The following IARS1 variants were observed in gnomAD, a reference collection of about 807,000 sequenced individuals.
IARS1 encodes the protein isoleucine--tRNA ligase, cytoplasmic.
IARS1 carries 124 observed loss-of-function variants against 168.2 expected under a neutral mutation model. The ratio of observed to expected loss-of-function variants is 0.74; its 90% confidence interval spans 0.64 to 0.86. The LOEUF (loss-of-function observed/expected upper bound fraction) is 0.86. Among genes scored for constraint, IARS1 ranks in the 40% least tolerant of loss-of-function variants. IARS1 has a pLI of 0.00. For missense variants in IARS1, 1,452 were observed against 1,515.8 expected, an observed-to-expected ratio of 0.96 and a Z score of 0.70; for synonymous variants, 532 against 529.4, an observed-to-expected ratio of 1.00 and a Z score of -0.07.
In IARS1 at chr9:92,229,064, T is replaced by G. The variant is rs1039178760; in HGVS notation, c.3346A>C (p.Ser1116Arg). ...DNRLDLLKLK[S>R]VVTSIFGVKN... is the part of the protein sequence containing the mutation. ...ACACCAAAAATGCTAGTGACAACACTCTTCAGCTTTAAAAGGTCCAACCTA... is the reference window on the plus strand; with the variant it reads ...ACACCAAAAATGCTAGTGACAACACGCTTCAGCTTTAAAAGGTCCAACCTA... Residue 1116 changes from serine to arginine, a missense_variant, in exon 31 of 34, where the codon AGT becomes CGT. Coordinates refer to ENST00000443024, the MANE Select transcript of IARS1 (RefSeq NM_002161.6). 4 of 1,613,916 alleles carry G rather than the reference T, an allele frequency of 2.5e-6. No individual in the cohort carries two copies. Among genetic ancestry groups the G allele is most frequent in the Admixed American group, 3.3e-5 (2 of 59,994 alleles).
intron 33 of IARS1, among the ~76,000 whole-genome samples, chr9:92,216,852 T>C (rs1214834944): frequency 2.8e-5 from 4 of 144,756 alleles, no homozygotes; most frequent in Admixed American, 7.0e-5. Context: ...CTGTCAACAT[T>C]AGACAGATCA....
chr9:92,257,510 T>C (rs987014918), intron 19 of IARS1, among the ~76,000 whole-genome samples: 6 of 152,216 alleles, frequency 3.9e-5, no homozygotes, highest in Non-Finnish European at 7.3e-5. Context: ...CAAGGACTGT[T>C]TGCCCTACTT....
intron 33 of IARS1, among the ~76,000 whole-genome samples, chr9:92,216,369 G>A (rs1331078766): frequency 6.6e-6 from 1 of 150,410 alleles, no homozygotes; most frequent in Non-Finnish European, 1.5e-5. Flanking sequence ...ATCAACTAAC[G>A]AGCAAAATAA....
At chr9:92,257,300 T>G (rs1830860335) in intron 19 of IARS1, among the ~76,000 whole-genome samples, 1 of 152,236 alleles carries the variant, frequency 6.6e-6, no homozygotes, top group African/African-American at 2.4e-5. Context: ...ACAGAACTCA[T>G]GTCCTGCTTT....
chr9:92,287,817 C>T lies in IARS1; in HGVS notation c.370G>A (p.Val124Met), dbSNP rs1835689899. 1.9e-6 allele frequency: 3 copies of T among 1,613,450 alleles called. No homozygotes were observed. The highest frequency in any genetic ancestry group is 1.1e-5 in the South Asian group (1 of 90,974). ...TTCCACTCAGCAGAATATCTCATCA[C>T]AATTGCTCGGCACTGATTGTTATAC... ...TEYNNQCRAI[V>M]MRYSAEWKST... Residue 124 changes from valine (V) to methionine (M), a missense_variant, in exon 4 of 34, where the codon GTG becomes ATG. Transcript: ENST00000443024.
intron 33 of IARS1, 126 bp downstream of exon 33, chr9:92,222,394 C>T (rs2133399181): frequency 1.4e-5 from 5 of 347,668 alleles, no homozygotes; most frequent in South Asian, 6.3e-5. Context: ...TGGTAAATTT[C>T]TGGGGAAAGA....
At position 92,288,301 on chromosome 9, in the gene IARS1, A is replaced by G. The variant is rs1249371135; in HGVS notation, c.120-19T>C. 6.2e-6 allele frequency: 10 copies of G among 1,613,146 alleles called. No individual in the cohort carries two copies. Among genetic ancestry groups the G allele is most frequent in the East Asian group, 2.2e-5 (1 of 44,836 alleles). ...GGTAAATCTAACAGGTAATAAAAATATATCAAGCCATTTAAAAACAGCCAA... is the reference window on the plus strand; with the variant it reads ...GGTAAATCTAACAGGTAATAAAAATGTATCAAGCCATTTAAAAACAGCCAA... On this transcript the variant is annotated intron_variant, in intron 2 of 33. Transcript: ENST00000443024.
chr9:92,225,363 C>A (rs1485188102), intron 31 of IARS1, among the ~76,000 whole-genome samples: 1 of 152,118 alleles, frequency 6.6e-6, no homozygotes, highest in East Asian at 1.9e-4. Context: ...TCTTATTTTT[C>A]CACTCTCTTA....
intron 26 of IARS1, 64 bp downstream of exon 26, chr9:92,247,313 T>C: frequency 1.4e-6 from 2 of 1,467,578 alleles, no homozygotes; most frequent in Non-Finnish European, 1.9e-6. Context: ...AGTCAAACAG[T>C]AGCCTAAAAA....
intron 24 of IARS1, 21 bp from the exon 25 acceptor site, chr9:92,249,962 A>C: frequency 2.2e-6 from 3 of 1,393,112 alleles, no homozygotes; most frequent in Non-Finnish European, 3.0e-6. Flanking sequence ...AAGGGAGGGG[A>C]AAGTTCACTC....
At chr9:92,257,530 C>T (rs1830892390) in intron 19 of IARS1, among the ~76,000 whole-genome samples, 1 of 152,160 alleles carries the variant, frequency 6.6e-6, no homozygotes, top group Admixed American at 6.5e-5. Context: ...TGGCAGAGAA[C>T]CACATGCAGG....
chr9:92,229,538 A>G (rs57050708), intron 30 of IARS1, among the ~76,000 whole-genome samples: 3,087 of 152,162 alleles, frequency 0.02, 109 homozygotes, highest in African/African-American at 0.07. Flanking sequence ...ATTTTGTGCC[A>G]TATGTATATT....
chr9:92,216,112 A>C (rs916312285), intron 33 of IARS1, among the ~76,000 whole-genome samples: 1 of 151,550 alleles, frequency 6.6e-6, no homozygotes. Context: ...AGTGGGGGCC[A>C]ATATTCAACA....
Position 92,212,266 on chromosome 9 carries a change from A to G in IARS1, c.3707-1377T>C, listed in dbSNP as rs75911019. Among the ~76,000 whole-genome samples the G allele has an allele frequency of 6.6e-3, 999 of 152,318 alleles. 11 individuals carry two copies. Among genetic ancestry groups the G allele is most frequent in the African/African-American group, 0.022 (929 of 41,560 alleles). ...TTTACCAAGTTATTGATACTTTATGAAAGACAATTCTGAGAGAAAAGGCAT... is the reference window on the plus strand; with the variant it reads ...TTTACCAAGTTATTGATACTTTATGGAAGACAATTCTGAGAGAAAAGGCAT... On this transcript the variant is annotated intron_variant, in intron 33 of 33. Transcript: ENST00000443024.
At position 92,240,952 on chromosome 9, in the gene IARS1, A is replaced by G; in HGVS notation, c.3187T>C (p.Ser1063Pro). The change falls in exon 30 of 34, where the codon TCT (serine) becomes CCT (proline). Residue 1063 changes from serine to proline, a missense_variant. Ser to Pro is a moderately conservative substitution (Grantham distance 74). Transcript: ENST00000443024. Reference sequence around the variant, plus strand: ...CTGGTGAGTGTAATTTCCAGTTCAGATCCCTTCAACTGAGCACATGAGAAC... The same window carrying G: ...CTGGTGAGTGTAATTTCCAGTTCAGGTCCCTTCAACTGAGCACATGAGAAC... The part of the protein sequence containing the change: ...LIQEKTQLKG[S>P]ELEITLTRGS... 1 of 1,607,832 alleles carries G rather than the reference A, an allele frequency of 6.2e-7. No individual in the cohort carries two copies. Among genetic ancestry groups the G allele is most frequent in the Non-Finnish European group, 8.5e-7 (1 of 1,174,558 alleles).
intron 30 of IARS1, among the ~76,000 whole-genome samples, chr9:92,231,465 G>A (rs1270872366): frequency 6.7e-6 from 1 of 149,854 alleles, no homozygotes; most frequent in African/African-American, 2.5e-5. Context: ...CCAGGCTGGA[G>A]TGCAATGGCA....
chr9:92,255,889 T>C (rs1349688293), intron 20 of IARS1, among the ~76,000 whole-genome samples: 1 of 152,194 alleles, frequency 6.6e-6, no homozygotes, highest in Non-Finnish European at 1.5e-5. Flanking sequence ...ACCGAGATGT[T>C]TGCAACACAA....
At position 92,222,601 on chromosome 9, in the gene IARS1, C is replaced by G; in HGVS notation, c.3625G>C (p.Gly1209Arg). 6.2e-7 allele frequency: 1 copy of G among 1,614,022 alleles called. No homozygotes were observed. The highest frequency in any genetic ancestry group is 1.1e-5 in the South Asian group (1 of 91,080). The part of the protein sequence containing the change: ...PLGQNGLTHQ[G>R]LLYEAAKVFG... Reference sequence around the variant, plus strand: ...ACCTTGGCTGCTTCATACAGAAGACCTTGGTGGGTGAGTCCATTCTGCCCA... The same window carrying G: ...ACCTTGGCTGCTTCATACAGAAGACGTTGGTGGGTGAGTCCATTCTGCCCA... Residue 1209 changes from glycine (G) to arginine (R), a missense_variant, in exon 33 of 34, where the codon GGT becomes CGT. Gly to Arg is a moderately radical substitution (Grantham distance 125, BLOSUM62 -2). Transcript: ENST00000443024.
intron 33 of IARS1, among the ~76,000 whole-genome samples, chr9:92,217,036 C>A (rs1838824061): frequency 6.7e-6 from 1 of 148,986 alleles, no homozygotes; most frequent in Admixed American, 6.7e-5. Flanking sequence ...AAGCTCTCCT[C>A]AGCAAATGTA....
Sources: allele counts gnomAD v4.1 joint callset (sites outside exome capture counted in the v4.1 genomes callset), GRCh38; gene constraint gnomAD v4.1.1; transcripts MANE v1.5; gene names NCBI Gene and HGNC (gene_info 2026-07-23, HGNC 2026-07-21).